SLCO1B3: variants seen among roughly 807,000 people sequenced by gnomAD.
SLCO1B3 encodes the protein liver-specific organic anion transporter 2.
SLCO1B3 carries 72 observed loss-of-function variants against 71.8 expected under a neutral mutation model. The observed-to-expected ratio is 1.00, with a 90% CI of 0.83 to 1.22. The LOEUF is 1.22. Among genes scored for constraint, SLCO1B3 ranks in the 50% most tolerant of loss-of-function variants. The pLI, the probability that SLCO1B3 is intolerant of heterozygous loss-of-function variation, is 0.00. For synonymous variants in SLCO1B3, 298 were observed against 278.4 expected (o/e 1.07, Z -0.70); for missense variants, 911 against 819.7 (o/e 1.11, Z -1.36).
rs541685591 is a variant in SLCO1B3, at chr12:20,870,231, T to C, written c.728-5004T>C. ...GGAATTTTTTGTACATTTTAGAAAT[T>C]AACACCTTATCACATATATGCTTTA... On this transcript the variant is annotated intron_variant, in intron 8 of 15. Coordinates refer to ENST00000381545, the MANE Select transcript of SLCO1B3 (RefSeq NM_019844.4). Among the ~76,000 whole-genome samples, 121 of 152,298 alleles carry C rather than the reference T, an allele frequency of 7.9e-4. No homozygotes were observed. The South Asian group carries it at 0.013, about 17-fold the overall frequency.
intron 13 of SLCO1B3, among the ~76,000 whole-genome samples, chr12:20,889,796 T>C (rs1179262493): frequency 6.6e-6 from 1 of 152,158 alleles, no homozygotes; most frequent in Admixed American, 6.6e-5. Context: ...TAATTTTATA[T>C]CTTTCTGTCT....
At chr12:20,854,113 G>T (rs894988353) in intron 3 of SLCO1B3, among the ~76,000 whole-genome samples, 1 of 152,062 alleles carries the variant, frequency 6.6e-6, no homozygotes, top group Non-Finnish European at 1.5e-5. Context: ...AAGATTTGTT[G>T]TGTGGGCCAC....
At chr12:20,888,616 A>C (rs2121331632) in intron 13 of SLCO1B3, among the ~76,000 whole-genome samples, 1 of 152,030 alleles carries the variant, frequency 6.6e-6, no homozygotes, top group Non-Finnish European at 1.5e-5. Flanking sequence ...TCTAGGTGTA[A>C]GATTATATCA....
intron 1 of SLCO1B3, among the ~76,000 whole-genome samples, chr12:20,811,360 A>C (rs1455663302): frequency 2.0e-5 from 3 of 152,200 alleles, no homozygotes; most frequent in Non-Finnish European, 4.4e-5. Context: ...TTAACAGCTC[A>C]ATAAATAATG....
intron 15 of SLCO1B3, among the ~76,000 whole-genome samples, chr12:20,913,807 A>C: frequency 6.6e-6 from 1 of 152,214 alleles, no homozygotes; most frequent in African/African-American, 2.4e-5. Context: ...GCTGTAGAGC[A>C]GTGGCTTGAA....
intron 3 of SLCO1B3, among the ~76,000 whole-genome samples, chr12:20,834,387 A>T (rs1227028381): frequency 7.0e-6 from 1 of 143,268 alleles, no homozygotes; most frequent in Non-Finnish European, 1.5e-5. Flanking sequence ...ATATATAATT[A>T]TATATAGGTT....
At chr12:20,882,594 C>T (rs1241860551) in intron 12 of SLCO1B3, among the ~76,000 whole-genome samples, 3 of 151,882 alleles carry the variant, frequency 2.0e-5, no homozygotes, top group African/African-American at 4.8e-5. Context: ...TTAGTAGAGA[C>T]GGGGTTTCAC....
intron 3 of SLCO1B3, among the ~76,000 whole-genome samples, chr12:20,831,079 C>T (rs1462122041): frequency 6.6e-6 from 1 of 152,074 alleles, no homozygotes; most frequent in African/African-American, 2.4e-5. Flanking sequence ...AGAAGCCAGG[C>T]CGGGCGCGGT....
chr12:20,882,924 A>T (rs1865719823), intron 12 of SLCO1B3, among the ~76,000 whole-genome samples: 1 of 152,202 alleles, frequency 6.6e-6, no homozygotes, highest in Non-Finnish European at 1.5e-5. Flanking sequence ...TGGTAATAAT[A>T]TACTATATCT....
intron 15 of SLCO1B3, among the ~76,000 whole-genome samples, chr12:20,906,263 G>A (rs775367126): frequency 3.3e-5 from 5 of 152,188 alleles, no homozygotes; most frequent in Non-Finnish European, 5.9e-5. Flanking sequence ...GCTTCAGATT[G>A]TATAATTTTA....
intron 3 of SLCO1B3, among the ~76,000 whole-genome samples, chr12:20,836,723 C>G (rs1251703602): frequency 6.6e-6 from 1 of 152,052 alleles, no homozygotes; most frequent in Non-Finnish European, 1.5e-5. Context: ...CTCACTGCAA[C>G]CTCTGCCTCC....
chr12:20,901,299 T>C (rs767280081), intron 14 of SLCO1B3, 51 bp from the exon 15 acceptor site: 10 of 1,128,342 alleles, frequency 8.9e-6, no homozygotes, highest in African/African-American at 1.6e-5. Context: ...ATCGCTCAGT[T>C]ACATTTGAAG....
At chr12:20,880,662 T>C (rs1277024064) in intron 11 of SLCO1B3, among the ~76,000 whole-genome samples, 193 bp from the exon 12 acceptor site, 2 of 152,102 alleles carry the variant, frequency 1.3e-5, no homozygotes, top group African/African-American at 4.8e-5. Context: ...TTACAAAAAT[T>C]GCCATTTTGA....
At chr12:20,873,062 T>A (rs1446482929) in intron 8 of SLCO1B3, among the ~76,000 whole-genome samples, 1 of 152,156 alleles carries the variant, frequency 6.6e-6, no homozygotes, top group East Asian at 1.9e-4. Flanking sequence ...ATATTTGGCA[T>A]GCTGTCCAAC....
chr12:20,904,669 C>A (rs1866200131), intron 15 of SLCO1B3, among the ~76,000 whole-genome samples: 1 of 151,074 alleles, frequency 6.6e-6, no homozygotes, highest in South Asian at 2.1e-4. Context: ...GGAAGTCCAA[C>A]CCCACATTTT....
At chr12:20,880,753 C>T (rs1005472702) in intron 11 of SLCO1B3, 102 bp from the exon 12 acceptor site, 1 of 637,632 alleles carries the variant, frequency 1.6e-6, no homozygotes, top group Non-Finnish European at 2.5e-6. Flanking sequence ...TTCTCTTCCT[C>T]CTCCTCTATT....
intron 2 of SLCO1B3, among the ~76,000 whole-genome samples, chr12:20,814,809 A>G (rs7309718): frequency 0.13 from 20,097 of 151,760 alleles, 1,380 homozygotes; most frequent in Middle Eastern, 0.17. Context: ...AGGCAGGAGA[A>G]TGGCGTGAAC....
intron 4 of SLCO1B3, among the ~76,000 whole-genome samples, chr12:20,855,923 A>C (rs1261602049): frequency 6.6e-6 from 1 of 151,960 alleles, no homozygotes; most frequent in East Asian, 1.9e-4. Context: ...TATTATATAG[A>C]CTGCAAATAT....
chr12:20,843,906 C>G (rs550210658), intron 3 of SLCO1B3, among the ~76,000 whole-genome samples: 1 of 151,958 alleles, frequency 6.6e-6, no homozygotes, highest in South Asian at 2.1e-4. Flanking sequence ...TAAACTTTCT[C>G]CATATATATG....
Sources: gnomAD v4.1 joint callset for allele counts (sites outside exome capture counted in the v4.1 genomes callset) on GRCh38, gnomAD v4.1.1 for gene constraint, MANE v1.5 for transcripts, NCBI Gene and HGNC (gene_info 2026-07-23, HGNC 2026-07-21) for gene names.